Variants in MS4A3 observed in about 807,000 individuals in gnomAD.
MS4A3 encodes membrane spanning 4-domains A3.
In MS4A3, 18 loss-of-function variants were observed where a neutral mutation model predicts 24.7. The observed-to-expected ratio is 0.73, with a 90% CI of 0.50 to 1.08. MS4A3 has a LOEUF of 1.08. Ranked by LOEUF, MS4A3 falls within the 50% of genes least tolerant of loss-of-function variation. The probability of loss-of-function intolerance (pLI) is 0.00; values close to 1 mark genes in which losing one functional copy is unlikely to be tolerated. For missense variants in MS4A3, 282 were observed against 251.7 expected (o/e 1.12, Z -0.82); for synonymous variants, 84 against 95.3 (o/e 0.88, Z 0.69).
chr11:60,066,361 G>C (rs1326612640), intron 4 of MS4A3, among the ~76,000 whole-genome samples: 1 of 152,012 alleles, frequency 6.6e-6, no homozygotes, highest in Admixed American at 6.6e-5. Context: ...TCCTTCATTG[G>C]CTTTGTATTT....
At chr11:60,067,244 G>A (rs1342428098) in intron 5 of MS4A3, 132 bp downstream of exon 5, 6 of 755,404 alleles carry the variant, frequency 7.9e-6, no homozygotes, top group South Asian at 4.0e-5. Context: ...ACGGAGTCTC[G>A]CTCTGTCGCC....
intron 5 of MS4A3, among the ~76,000 whole-genome samples, chr11:60,068,444 G>A (rs1855412212): frequency 6.7e-6 from 1 of 149,908 alleles, no homozygotes; most frequent in African/African-American, 2.4e-5. Flanking sequence ...AGTAGAGACG[G>A]GGTTTCACTG....
chr11:60,061,549 T>C (rs1855276076), intron 2 of MS4A3: 4 of 595,790 alleles, frequency 6.7e-6, no homozygotes, highest in Admixed American at 2.3e-5. Flanking sequence ...TTCCACTTAA[T>C]GAATAGTAAA....
rs761116259 is a variant in MS4A3 at position 60,066,959 on chromosome 11, C to G, written c.360C>G (p.Asn120Lys). 1.1e-5 allele frequency: 17 copies of G among 1,593,112 alleles called. No homozygotes were observed. Among genetic ancestry groups the G allele is most frequent in the African/African-American group, 2.7e-5 (2 of 73,564 alleles). ...GIKPTRTWIQ[N>K]SFGMNIASAT... is the part of the protein sequence containing the mutation. Reference sequence around the variant, plus strand: ...TTCTTATTCTTTTTTAGATACAGAACAGTTTTGGAATGAACATTGCCAGTG... The same window carrying G: ...TTCTTATTCTTTTTTAGATACAGAAGAGTTTTGGAATGAACATTGCCAGTG... Residue 120 changes from asparagine (N) to lysine (K), a missense_variant, in exon 5 of 7, where the codon AAC (asparagine) becomes AAG (lysine). Physicochemically the swap from Asn to Lys is moderately conservative, Grantham distance 94 (BLOSUM62 0). Transcript: ENST00000278865.
intron 5 of MS4A3, among the ~76,000 whole-genome samples, chr11:60,067,455 C>A (rs1238396456): frequency 2.0e-5 from 3 of 151,732 alleles, no homozygotes; most frequent in Admixed American, 1.3e-4. Flanking sequence ...GACCTCGTGA[C>A]CCGCCCGCCT....
intron 2 of MS4A3, 114 bp downstream of exon 2, chr11:60,061,430 A>G (rs952455968): frequency 1.5e-6 from 2 of 1,311,740 alleles, no homozygotes; most frequent in African/African-American, 3.0e-5. Context: ...GATTTCTTCC[A>G]CCTCTGTTTG....
chr11:60,066,475 T>C (rs1056724361), intron 4 of MS4A3, among the ~76,000 whole-genome samples: 1 of 152,210 alleles, frequency 6.6e-6, no homozygotes, highest in Admixed American at 6.5e-5. Flanking sequence ...ATTGACTACG[T>C]GCCTCCAACG....
At chr11:60,064,391 G>A (rs1855326530) in intron 4 of MS4A3, 73 bp downstream of exon 4, 3 of 1,155,364 alleles carry the variant, frequency 2.6e-6, no homozygotes, top group South Asian at 2.9e-5. Flanking sequence ...AGGACAGTAA[G>A]TGTCCATGAA....
At chr11:60,062,019 T>C (rs937486005) in intron 2 of MS4A3, among the ~76,000 whole-genome samples, 6 of 152,214 alleles carry the variant, frequency 3.9e-5, no homozygotes, top group African/African-American at 1.4e-4. Flanking sequence ...GGCTGAGCTC[T>C]ATGAAGCTTA....
chr11:60,062,539 C>T lies in MS4A3; in HGVS notation c.228C>T (p.Tyr76=). The part of the protein sequence containing the change: ...GVFLGSLQYP[Y]HFQKHFFFFT... ...TTCTGGGTTCCTTGCAATACCCATA[C>T]CACTTCCAAAAGCACTTCTTTTTCT... is the stretch of plus-strand genomic sequence containing the variant. The change falls in exon 3 of 7, where the codon TAC becomes TAT. Residue 76 remains tyrosine (Y), a synonymous_variant. Coordinates refer to ENST00000278865, the MANE Select transcript of MS4A3 (RefSeq NM_006138.5). The T allele has an allele frequency of 6.2e-7, 1 of 1,614,118 alleles. No homozygotes were observed. Among genetic ancestry groups the T allele is most frequent in the Non-Finnish European group, 8.5e-7 (1 of 1,180,004 alleles).
rs1590620323 is a variant in MS4A3, at chr11:60,069,810, G to C, written c.615+135G>C. 3 of 736,486 alleles carry C rather than the reference G, an allele frequency of 4.1e-6. No individual in the cohort carries two copies. In the East Asian group the frequency reaches 7.6e-5, roughly 19 times the overall value. The allele number at this position is 736,486 out of a possible 1,614,324, so 45.6% of individuals were successfully genotyped here. A position where few individuals can be genotyped will look rare whatever the true frequency, so the allele number is the denominator to read the frequency against. ...GAGTTCCTGGAATTAGAGATTGTATGAATGTTAGAGATGGAATGAAGGGTA... is the reference window on the plus strand; with the variant it reads ...GAGTTCCTGGAATTAGAGATTGTATCAATGTTAGAGATGGAATGAAGGGTA... On this transcript the variant is annotated intron_variant, in intron 6 of 6. Transcript: ENST00000278865.
chr11:60,058,373 G>A (rs1855205522), intron 1 of MS4A3, among the ~76,000 whole-genome samples: 2 of 151,400 alleles, frequency 1.3e-5, no homozygotes, highest in Non-Finnish European at 2.9e-5. Context: ...TGGGTGTGGT[G>A]GTGCACGCCT....
chr11:60,057,436 G>T (rs941318780), intron 1 of MS4A3, among the ~76,000 whole-genome samples: 1 of 151,698 alleles, frequency 6.6e-6, no homozygotes, highest in Admixed American at 6.6e-5. Flanking sequence ...ACAGAGTCTC[G>T]CTCTGTCACC....
At chr11:60,068,202 T>C (rs913303749) in intron 5 of MS4A3, among the ~76,000 whole-genome samples, 1 of 151,646 alleles carries the variant, frequency 6.6e-6, no homozygotes, top group Non-Finnish European at 1.5e-5. Flanking sequence ...GAAATTAGCA[T>C]GGTGTTTTCA....
chr11:60,061,028 T>A (rs1438897497), intron 1 of MS4A3, 118 bp from the exon 2 acceptor site: 1 of 841,722 alleles, frequency 1.2e-6, no homozygotes, highest in African/African-American at 1.8e-5. Flanking sequence ...TGGTGTCCCA[T>A]TTGTGGAGAG....
At chr11:60,059,283 A>T (rs1480125999) in intron 1 of MS4A3, among the ~76,000 whole-genome samples, 1 of 152,148 alleles carries the variant, frequency 6.6e-6, no homozygotes, top group Non-Finnish European at 1.5e-5. Context: ...AAAGGTAAAC[A>T]TCCTGAAAGT....
intron 3 of MS4A3, 185 bp downstream of exon 3, chr11:60,062,790 C>A (rs958354731): frequency 3.2e-5 from 12 of 379,548 alleles, no homozygotes; most frequent in African/African-American, 1.1e-4. Context: ...TAATTAATTA[C>A]TTAATTAATT....
In MS4A3 at chr11:60,058,506, C is replaced by CAAAAAAAAAAAAAAAAAAAAA. The variant is rs58722616; in HGVS notation, c.-16+1782_-16+1802dup. On this transcript the variant is annotated intron_variant, in intron 1 of 6. Coordinates refer to ENST00000278865, the MANE Select transcript of MS4A3 (RefSeq NM_006138.5). ...TGGGAGACAGAGCAAAGCTCCAACT[C>CAAAAAAAAAAAAAAAAAAAAA]AAAAAAAAAAAAAAAAAAAAAAAAA... Among the ~76,000 whole-genome samples, 3 of 17,890 alleles carry CAAAAAAAAAAAAAAAAAAAAA rather than the reference C, an allele frequency of 1.7e-4. 1 individual carries two copies. Among genetic ancestry groups the CAAAAAAAAAAAAAAAAAAAAA allele is most frequent in the Non-Finnish European group, 2.5e-4 (2 of 8,074 alleles). The allele number at this position is 17,890 out of a possible 152,430, so 11.7% of individuals were successfully genotyped here.
intron 1 of MS4A3, among the ~76,000 whole-genome samples, chr11:60,057,650 C>T (rs142730156): frequency 1.1e-3 from 163 of 152,250 alleles, no homozygotes; most frequent in African/African-American, 3.0e-3. Flanking sequence ...GAGATCCTCC[C>T]GCCTCTGCCT....
Sources: gnomAD v4.1 joint callset for allele counts (sites outside exome capture counted in the v4.1 genomes callset) on GRCh38, gnomAD v4.1.1 for gene constraint, MANE v1.5 for transcripts, NCBI Gene and HGNC (gene_info 2026-07-23, HGNC 2026-07-21) for gene names.